Variants in MMP27 observed in about 807,000 individuals in gnomAD.
MMP27 encodes the protein matrix metalloproteinase-27.
In MMP27, 51 loss-of-function variants were observed where a neutral mutation model predicts 48.1. The observed-to-expected ratio is 1.06, with a 90% CI of 0.85 to 1.34. The LOEUF is 1.34. Among genes scored for constraint, MMP27 ranks in the 40% most tolerant of loss-of-function variants. The pLI is 0.00. For missense variants in MMP27, 698 were observed against 619.3 expected, an observed-to-expected ratio of 1.13 and a Z score of -1.35; for synonymous variants, 229 against 208.9, an observed-to-expected ratio of 1.10 and a Z score of -0.83.
Position 102,704,552 on chromosome 11 carries a change from T to C in MMP27, c.326A>G (p.Tyr109Cys), listed in dbSNP as rs577628189. ...GAAGCATTACCTGTAGGTGAGGTTGTATTTTCTCCACCCAGGGAGGGTGTA... is the reference window on the plus strand; with the variant it reads ...GAAGCATTACCTGTAGGTGAGGTTGCATTTTCTCCACCCAGGGAGGGTGTA... ...YGYTLPGWRK[Y>C]NLTYRIINYT... The change falls in exon 2 of 10, where the codon TAC (tyrosine) becomes TGC (cysteine). Residue 109 changes from tyrosine (Y) to cysteine (C), a missense_variant. Physicochemically the swap from Tyr to Cys is radical, Grantham distance 194. Coordinates refer to ENST00000260229, the MANE Select transcript of MMP27 (RefSeq NM_022122.3). The C allele has an allele frequency of 1.2e-6, 2 of 1,613,150 alleles. No individual in the cohort carries two copies. Among genetic ancestry groups the C allele is most frequent in the African/African-American group, 1.3e-5 (1 of 75,036 alleles).
intron 2 of MMP27, among the ~76,000 whole-genome samples, chr11:102,704,126 TCA>T (rs1294690211): frequency 6.6e-6 from 1 of 152,148 alleles, no homozygotes; most frequent in South Asian, 2.1e-4. Context: ...ACTCTCTCTC[TCA>T]CACACACATG....
Position 102,691,951 on chromosome 11 carries a change from T to C in MMP27, c.1357A>G (p.Ile453Val). Residue 453 changes from isoleucine (I) to valine (V), a missense_variant, in exon 10 of 10, where the codon ATT (isoleucine) becomes GTT (valine). Coordinates refer to ENST00000260229, the MANE Select transcript of MMP27 (RefSeq NM_022122.3). ...QFEYDIKTKN[I>V]TRIMRTNTWF... ...GTATTAGTTCTCATGATTCGGGTAATATTCTTTGTCTTAATGTCGTATTCA... is the reference window on the plus strand; with the variant it reads ...GTATTAGTTCTCATGATTCGGGTAACATTCTTTGTCTTAATGTCGTATTCA... The C allele has an allele frequency of 1.9e-6, 3 of 1,613,192 alleles. No individual in the cohort carries two copies. Among genetic ancestry groups the C allele is most frequent in the Non-Finnish European group, 2.5e-6 (3 of 1,179,556 alleles).
chr11:102,691,780 A>T lies in MMP27; in HGVS notation c.1528T>A (p.Ser510Thr). The T allele has an allele frequency of 4.4e-6, 7 of 1,592,302 alleles. No homozygotes were observed. Among genetic ancestry groups the T allele is most frequent in the Non-Finnish European group, 5.1e-6 (6 of 1,165,714 alleles). The change falls in exon 10 of 10, where the codon TCT becomes ACT. Residue 510 changes from serine to threonine, a missense_variant. Transcript: ENST00000260229. ...FGIVHLLKNT[S>T]IYQ ...GGTCTATGAATTTATTGATAAATAGAAGTGTTTTTCAGCAAATGAACAATA... is the reference window on the plus strand; with the variant it reads ...GGTCTATGAATTTATTGATAAATAGTAGTGTTTTTCAGCAAATGAACAATA...
chr11:102,696,781 G>C lies in MMP27; in HGVS notation c.674C>G (p.Ser225Cys). The C allele has an allele frequency of 3.7e-6, 6 of 1,613,764 alleles. No homozygotes were observed. The highest frequency in any genetic ancestry group is 1.7e-4 in the Middle Eastern group (1 of 6,060). Residue 225 changes from serine (S) to cysteine (C), a missense_variant, in exon 5 of 10, where the codon TCT (serine) becomes TGT (cysteine). Physicochemically the swap from Ser to Cys is moderately radical, Grantham distance 112. Coordinates refer to ENST00000260229, the MANE Select transcript of MMP27 (RefSeq NM_022122.3). ...CAAGGCTGTTTGATCATTGGAGTGA[G>C]AGAGCCCCAGTGCATGACCAAATTC... is the stretch of plus-strand genomic sequence containing the variant. ...AHEFGHALGL[S>C]HSNDQTALMF...
Position 102,691,830 on chromosome 11 carries a change from T to C in MMP27, c.1478A>G (p.Lys493Arg), listed in dbSNP as rs761947017. 6.2e-7 allele frequency: 1 copy of C among 1,612,310 alleles called. No individual in the cohort carries two copies. The highest frequency in any genetic ancestry group is 8.5e-7 in the Non-Finnish European group (1 of 1,178,806). Reference protein sequence around the residue: ...HSGGIKILYHKSLSLFIFGIV... With the variant: ...HSGGIKILYHRSLSLFIFGIV... ...ACCAAAAATAAACAAGCTTAAACTC[T>C]TATGATACAATATCTTTATGCCTCC... The change falls in exon 10 of 10, where the codon AAG (lysine) becomes AGG (arginine). Residue 493 changes from lysine (K) to arginine (R), a missense_variant. By Grantham distance (26) the Lys-to-Arg change is conservative. Transcript: ENST00000260229.
chr11:102,702,345 C>G (rs921236551), intron 4 of MMP27, among the ~76,000 whole-genome samples: 14 of 152,230 alleles, frequency 9.2e-5, no homozygotes, highest in Admixed American at 3.3e-4. Flanking sequence ...CCTCAAGCAA[C>G]AGATGACTTC....
intron 4 of MMP27, among the ~76,000 whole-genome samples, chr11:102,697,970 C>G (rs576263555): frequency 6.6e-6 from 1 of 152,300 alleles, no homozygotes; most frequent in African/African-American, 2.4e-5. Context: ...GGGGCAATAA[C>G]AGGCATGGAG....
rs767994385 is a variant in MMP27 at position 102,701,936 on chromosome 11, C to A, written c.619+817G>T. Among the ~76,000 whole-genome samples, 13 of 152,312 alleles carry A rather than the reference C, an allele frequency of 8.5e-5. 1 individual carries two copies. Among genetic ancestry groups the A allele is most frequent in the South Asian group, 6.2e-4 (3 of 4,822 alleles). On this transcript the variant is annotated intron_variant, in intron 4 of 9. Transcript: ENST00000260229. ...TACTATCCATCAGGACCACTACAAC[C>A]TGTGCTTTCCTGTGACTCTGGAAGC...
chr11:102,694,256 G>C (rs1860780683), intron 7 of MMP27, among the ~76,000 whole-genome samples, 191 bp from the exon 8 acceptor site: 1 of 152,188 alleles, frequency 6.6e-6, no homozygotes, highest in African/African-American at 2.4e-5. Context: ...ATATATACCT[G>C]TAAAAGTCAA....
At position 102,704,551 on chromosome 11, in the gene MMP27, G is replaced by GTA; in HGVS notation, c.325_326dup (p.Asn110ThrfsTer7). ...AGAAGCATTACCTGTAGGTGAGGTT[G>GTA]TATTTTCTCCACCCAGGGAGGGTGT... On this transcript the variant is annotated frameshift_variant, in exon 2 of 10. Coordinates refer to ENST00000260229, the MANE Select transcript of MMP27 (RefSeq NM_022122.3). LOFTEE classifies it high-confidence loss of function. 1 of 1,612,646 alleles carries GTA rather than the reference G, an allele frequency of 6.2e-7. No homozygotes were observed. The highest frequency in any genetic ancestry group is 1.3e-5 in the African/African-American group (1 of 75,018).
In MMP27 at chr11:102,692,022, G is replaced by C; in HGVS notation, c.1298-12C>G. The C allele has an allele frequency of 6.3e-7, 1 of 1,579,854 alleles. No individual in the cohort carries two copies. Among genetic ancestry groups the C allele is most frequent in the Non-Finnish European group, 8.6e-7 (1 of 1,163,258 alleles). The stretch of plus-strand genomic sequence containing the variant: ...GAAAAAGAAGAATCCTAGAGACAGG[G>C]AATCAGGATTAGTTATCTTTCATAA... On this transcript the variant is annotated splice_polypyrimidine_tract_variant and intron_variant, in intron 9 of 9. Transcript: ENST00000260229.
At position 102,704,687 on chromosome 11, in the gene MMP27, C is replaced by T. The variant is rs762770488; in HGVS notation, c.191G>A (p.Arg64Gln). The change falls in exon 2 of 10, where the codon CGG (arginine) becomes CAG (glutamine). Residue 64 changes from arginine to glutamine, a missense_variant. By Grantham distance (43) the Arg-to-Gln change is conservative. Transcript: ENST00000260229. ...KNRSLIDDKI[R>Q]EMQAFFGLTV... ...CAATCCAAAAAATGCTTGCATTTCC[C>T]GAATTTTGTCATCTATGAGACTCCT... The T allele has an allele frequency of 4.3e-6, 7 of 1,613,642 alleles. No homozygotes were observed. Among genetic ancestry groups the T allele is most frequent in the Middle Eastern group, 1.6e-4 (1 of 6,084 alleles).
In MMP27 at chr11:102,691,897, A is replaced by G; in HGVS notation, c.1411T>C (p.Ser471Pro). ...TWFQCKEPKNSSFGFDINKEK... is the reference protein window; with the variant it reads ...TWFQCKEPKNPSFGFDINKEK... ...TTGTTGATATCAAAACCAAATGAGG[A>G]GTTCTTTGGTTCTTTGCATTGAAAC... is the stretch of plus-strand genomic sequence containing the variant. Residue 471 changes from serine to proline, a missense_variant, in exon 10 of 10, where the codon TCC (serine) becomes CCC (proline). By Grantham distance (74) the Ser-to-Pro change is moderately conservative. Coordinates refer to ENST00000260229, the MANE Select transcript of MMP27 (RefSeq NM_022122.3). The G allele has an allele frequency of 1.2e-6, 2 of 1,613,578 alleles. No homozygotes were observed. Among genetic ancestry groups the G allele is most frequent in the Non-Finnish European group, 8.5e-7 (1 of 1,179,740 alleles).
chr11:102,693,004 G>A lies in MMP27; in HGVS notation c.1231C>T (p.Pro411Ser), dbSNP rs753739043. Residue 411 changes from proline to serine, a missense_variant, in exon 9 of 10, where the codon CCG becomes TCG. Physicochemically the swap from Pro to Ser is moderately conservative, Grantham distance 74 (BLOSUM62 -1). Coordinates refer to ENST00000260229, the MANE Select transcript of MMP27 (RefSeq NM_022122.3). ...EMTQTMDKGF[P>S]QRVVKHFPGI... ...GGAAAGTGTTTTACCACTCTCTGCGGGAACCCTTTGTCCATGGTTTGGGTC... is the reference window on the plus strand; with the variant it reads ...GGAAAGTGTTTTACCACTCTCTGCGAGAACCCTTTGTCCATGGTTTGGGTC... The A allele has an allele frequency of 3.7e-6, 6 of 1,613,782 alleles. No homozygotes were observed. The Admixed American group carries it at 1.0e-4, about 27-fold the overall frequency.
intron 8 of MMP27, 71 bp from the exon 9 acceptor site, chr11:102,693,112 CT>C: frequency 8.5e-7 from 1 of 1,176,346 alleles, no homozygotes. Context: ...TACCGCACAA[CT>C]TAGAGTCAAG....
chr11:102,694,955 G>A lies in MMP27; in HGVS notation c.1033+12C>T, dbSNP rs1196412077. ...CCAGAGGGAGAAGAGGAATCGGGATGGGCCAGGTTACCTTTAAAAACCAGA... is the reference window on the plus strand; with the variant it reads ...CCAGAGGGAGAAGAGGAATCGGGATAGGCCAGGTTACCTTTAAAAACCAGA... On this transcript the variant is annotated intron_variant, in intron 7 of 9. Coordinates refer to ENST00000260229, the MANE Select transcript of MMP27 (RefSeq NM_022122.3). 2 of 1,613,502 alleles carry A rather than the reference G, an allele frequency of 1.2e-6. No homozygotes were observed. The highest frequency in any genetic ancestry group is 1.7e-5 in the Admixed American group (1 of 59,936).
chr11:102,696,680 T>C lies in MMP27; in HGVS notation c.775A>G (p.Ile259Val), dbSNP rs199497526. The change falls in exon 5 of 10, where the codon ATC (isoleucine) becomes GTC (valine). Residue 259 changes from isoleucine (I) to valine (V), a missense_variant. By Grantham distance (29) the Ile-to-Val change is conservative (BLOSUM62 3). Coordinates refer to ENST00000260229, the MANE Select transcript of MMP27 (RefSeq NM_022122.3). The part of the protein sequence containing the change: ...SQDDINGIQS[I>V]YGGLPKEPAK... ...GATTTATAATTTTGCTCACCATAGA[T>C]GGACTGGATTCCATTGATATCATCC... is the stretch of plus-strand genomic sequence containing the variant. The C allele has an allele frequency of 9.7e-5, 156 of 1,610,952 alleles. No individual in the cohort carries two copies. Among genetic ancestry groups the C allele is most frequent in the Admixed American group, 5.4e-4 (32 of 59,314 alleles).
chr11:102,695,216 A>G, intron 6 of MMP27, 119 bp from the exon 7 acceptor site: 4 of 1,141,158 alleles, frequency 3.5e-6, no homozygotes, highest in South Asian at 1.5e-5. Context: ...AATTGAGATA[A>G]TTAGCATAAT....
chr11:102,704,505 A>T (rs1659282116), intron 2 of MMP27, 32 bp downstream of exon 2: 5 of 1,482,488 alleles, frequency 3.4e-6, no homozygotes, highest in Non-Finnish European at 4.7e-6. Flanking sequence ...GTTCCTTTGG[A>T]TTAGGCGGAA....
Sources: allele counts gnomAD v4.1 joint callset (sites outside exome capture counted in the v4.1 genomes callset), GRCh38; gene constraint gnomAD v4.1.1; transcripts MANE v1.5; gene names NCBI Gene and HGNC (gene_info 2026-07-23, HGNC 2026-07-21).